CACNA1E: variants seen among roughly 807,000 people sequenced by gnomAD.
The protein encoded by CACNA1E is voltage-dependent R-type calcium channel subunit alpha-1E.
In CACNA1E, 40 loss-of-function variants were observed where a neutral mutation model predicts 259.2. The ratio of observed to expected loss-of-function variants is 0.15; its 90% CI spans 0.12 to 0.20. CACNA1E has a LOEUF of 0.20. Ranked by LOEUF, CACNA1E falls within the 10% of genes least tolerant of loss-of-function variation. The pLI is 1.00. For synonymous variants in CACNA1E, 1,104 were observed against 1,138.5 expected, an observed-to-expected ratio of 0.97 and a Z score of 0.61; for missense variants, 1,874 against 3,040.1, an observed-to-expected ratio of 0.62 and a Z score of 9.02.
At chr1:181,634,562 G>T (rs1174558463) in intron 6 of CACNA1E, among the ~76,000 whole-genome samples, 1 of 152,136 alleles carries the variant, frequency 6.6e-6, no homozygotes, top group East Asian at 1.9e-4. Context: ...CTTTTACTAA[G>T]TTATTTCCAT....
At chr1:181,762,054 G>A (rs1278287171) in intron 32 of CACNA1E, among the ~76,000 whole-genome samples, 1 of 152,164 alleles carries the variant, frequency 6.6e-6, no homozygotes, top group Non-Finnish European at 1.5e-5. Flanking sequence ...AGTCACTTAT[G>A]ACTTGTGTGA....
chr1:181,687,652 G>T (rs866302087), intron 7 of CACNA1E, among the ~76,000 whole-genome samples: 7 of 152,114 alleles, frequency 4.6e-5, no homozygotes, highest in African/African-American at 1.7e-4. Context: ...CAATGGACAC[G>T]CAGTTCTTTG....
At chr1:181,510,363 A>C (rs564196238) in intron 1 of CACNA1E, 114 bp from the exon 2 acceptor site, 1 of 712,340 alleles carries the variant, frequency 1.4e-6, no homozygotes, top group East Asian at 2.7e-5. Context: ...AATAAAAATC[A>C]TGCAAACTGC....
chr1:181,739,575 A>G (rs1424140403), intron 25 of CACNA1E, among the ~76,000 whole-genome samples: 1 of 152,180 alleles, frequency 6.6e-6, no homozygotes, highest in East Asian at 1.9e-4. Flanking sequence ...GCATTCAGCA[A>G]TGGACCCAGG....
At chr1:181,755,459 A>G (rs1344103298) in intron 28 of CACNA1E, 62 bp downstream of exon 28, 1 of 1,297,774 alleles carries the variant, frequency 7.7e-7, no homozygotes, top group African/African-American at 1.5e-5. Flanking sequence ...ATCCCACTCC[A>G]CCACCACAGG....
chr1:181,538,040 G>A (rs912863256), intron 3 of CACNA1E, among the ~76,000 whole-genome samples: 3 of 152,216 alleles, frequency 2.0e-5, no homozygotes, highest in South Asian at 4.1e-4. Context: ...AGAAGATCTT[G>A]TAGAAGTTAG....
At chr1:181,745,358 A>G in intron 25 of CACNA1E, 1 of 496,150 alleles carries the variant, frequency 2.0e-6, no homozygotes, top group Non-Finnish European at 4.0e-6. Context: ...TAACAGCATG[A>G]AATTGGGAGA....
intron 3 of CACNA1E, among the ~76,000 whole-genome samples, chr1:181,513,259 G>A (rs1252437371): frequency 6.6e-6 from 1 of 152,134 alleles, no homozygotes; most frequent in East Asian, 1.9e-4. Context: ...ATTGTTTTGT[G>A]GTATTTCCTT....
chr1:181,537,898 G>T (rs563991073), intron 3 of CACNA1E, among the ~76,000 whole-genome samples: 23 of 152,274 alleles, frequency 1.5e-4, no homozygotes, highest in South Asian at 4.1e-4. Context: ...ATTAGTTTGA[G>T]AATTATTAAG....
At chr1:181,512,957 C>T (rs929862528) in intron 3 of CACNA1E, among the ~76,000 whole-genome samples, 1 of 152,062 alleles carries the variant, frequency 6.6e-6, no homozygotes, top group Non-Finnish European at 1.5e-5. Flanking sequence ...TAGAAGAGGC[C>T]TGTATGAGAA....
chr1:181,534,051 C>T (rs1667973037), intron 3 of CACNA1E, among the ~76,000 whole-genome samples: 1 of 151,776 alleles, frequency 6.6e-6, no homozygotes, highest in South Asian at 2.1e-4. Flanking sequence ...GTTTCTTTTT[C>T]TTATCTTATT....
Position 181,793,723 on chromosome 1 carries a change from C to T in CACNA1E, c.5957C>T (p.Pro1986Leu), listed in dbSNP as rs1572909695. The change falls in exon 45 of 48, where the codon CCT becomes CTT. Residue 1986 changes from proline (P) to leucine (L), a missense_variant. Physicochemically the swap from Pro to Leu is moderately conservative, Grantham distance 98. This residue lies in a region of CACNA1E where 542 missense variants were observed against 587.2 expected (regional missense o/e 0.92). Coordinates refer to ENST00000367573, the MANE Select transcript of CACNA1E (RefSeq NM_001205293.3). ...CCCTCTAACCATGGCATCTACCTTC[C>T]TTCGGACACCCAGGAGCATGCGGGA... ...VQPSNHGIYL[P>L]SDTQEHAGSG... The T allele has an allele frequency of 6.2e-7, 1 of 1,611,588 alleles. No homozygotes were observed.
At position 181,781,531 on chromosome 1, in the gene CACNA1E, AC is replaced by A; in HGVS notation, c.5364+12del. 1.4e-6 allele frequency: 2 copies of A among 1,424,654 alleles called. No homozygotes were observed. Among genetic ancestry groups the A allele is most frequent in the African/African-American group, 1.4e-5 (1 of 71,140 alleles). 88.3% of individuals were successfully genotyped at this position (1,424,654 alleles called of 1,614,324 possible). The stretch of plus-strand genomic sequence containing the variant: ...TCCAAAGTGGCATATAAGGTAGACC[AC>A]CCCTTCCTTTGCTCTGGGCTACAGA... On this transcript the variant is annotated intron_variant, in intron 39 of 47. Transcript: ENST00000367573.
intron 3 of CACNA1E, 120 bp from the exon 4 acceptor site, chr1:181,577,645 TA>T: frequency 1.8e-6 from 1 of 566,020 alleles, no homozygotes; most frequent in South Asian, 2.4e-5. Flanking sequence ...TGCACCCACA[TA>T]CAGCTGGCGT....
intron 25 of CACNA1E, 67 bp from the exon 26 acceptor site, chr1:181,750,409 C>T: frequency 6.9e-7 from 1 of 1,447,718 alleles, no homozygotes; most frequent in African/African-American, 1.4e-5. Context: ...TTCTCTCTAC[C>T]CCAACCCCAT....
intron 2 of CACNA1E, among the ~76,000 whole-genome samples, chr1:181,425,297 T>A (rs1462185354): frequency 1.3e-5 from 2 of 151,820 alleles, no homozygotes; most frequent in African/African-American, 4.8e-5. Context: ...CCCACCGCAG[T>A]CCAGGGCCTT....
intron 26 of CACNA1E, 57 bp downstream of exon 26, chr1:181,750,544 G>A (rs1657503838): frequency 3.9e-6 from 6 of 1,529,634 alleles, no homozygotes; most frequent in Non-Finnish European, 4.5e-6. Flanking sequence ...TTGGAGGAGC[G>A]AGAAAGTATG....
chr1:181,340,700 G>T (rs543862566), intron 1 of CACNA1E, among the ~76,000 whole-genome samples: 220 of 152,046 alleles, frequency 1.4e-3, no homozygotes, highest in Admixed American at 3.1e-3. Context: ...TTGTTAACTA[G>T]TAGAGATCTT....
At chr1:181,345,099 C>T (rs2609489) in intron 1 of CACNA1E, among the ~76,000 whole-genome samples, 5,342 of 152,326 alleles carry the variant, frequency 0.035, 271 homozygotes, top group African/African-American at 0.11. Context: ...GAGGTGCCAG[C>T]GCCAGAAGCC....
Sources: gnomAD v4.1 joint callset for allele counts (sites outside exome capture counted in the v4.1 genomes callset) on GRCh38, gnomAD v4.1.1 for gene constraint, gnomAD v4.1.1 regional missense constraint, MANE v1.5 for transcripts, NCBI Gene and HGNC (gene_info 2026-07-23, HGNC 2026-07-21) for gene names.